The following EIF4G3 variants were observed in gnomAD, a reference collection of about 807,000 sequenced individuals.
EIF4G3 encodes eukaryotic translation initiation factor 4 gamma 3, also known as eIF-4-gamma 3.
Under a neutral mutation model 186.4 loss-of-function variants are expected in EIF4G3, and 34 were observed. The ratio of observed to expected loss-of-function variants is 0.18; its 90% CI spans 0.14 to 0.24. EIF4G3 has a LOEUF of 0.24. Ranked by LOEUF, EIF4G3 falls within the 10% of genes least tolerant of loss-of-function variation. The pLI is 1.00. For synonymous variants in EIF4G3, 673 were observed against 679.5 expected (o/e 0.99, Z 0.15); for missense variants, 1,536 against 1,948.5 (o/e 0.79, Z 3.99).
chr1:20,998,046 T>C (rs1467973216), intron 6 of EIF4G3, among the ~76,000 whole-genome samples: 1 of 152,090 alleles, frequency 6.6e-6, no homozygotes, highest in Non-Finnish European at 1.5e-5. Context: ...AGAAAGCTTT[T>C]ACATTACAAG....
chr1:20,829,411 T>TA, intron 30 of EIF4G3, 139 bp from the exon 31 acceptor site: 2 of 904,602 alleles, frequency 2.2e-6, no homozygotes, highest in Non-Finnish European at 3.4e-6. Context: ...AAGTGACTGG[T>TA]AAATACATTA....
chr1:21,087,885 G>A (rs969533923), intron 3 of EIF4G3, among the ~76,000 whole-genome samples: 1 of 151,724 alleles, frequency 6.6e-6, no homozygotes, highest in South Asian at 2.1e-4. Context: ...CACCTGCCTC[G>A]GCCTCCCAAA....
intron 2 of EIF4G3, among the ~76,000 whole-genome samples, chr1:21,166,323 A>G (rs986209934): frequency 6.6e-6 from 1 of 151,966 alleles, no homozygotes; most frequent in African/African-American, 2.4e-5. Context: ...CCAGTTACAC[A>G]AGAGGCTGAG....
chr1:20,901,579 T>C (rs547530958), intron 15 of EIF4G3, among the ~76,000 whole-genome samples: 1 of 152,238 alleles, frequency 6.6e-6, no homozygotes, highest in Non-Finnish European at 1.5e-5. Context: ...AGAGGCTGTA[T>C]TACTTAGAAA....
rs376939530 is a variant in EIF4G3, at chr1:20,858,719, G to A, written c.3245-1222C>T. Among the ~76,000 whole-genome samples, 85 of 152,280 alleles carry A rather than the reference G, an allele frequency of 5.6e-4. 3 individuals are homozygous for A. The South Asian group carries it at 0.016, about 29-fold the overall frequency. Reference sequence around the variant, plus strand: ...AATAAATACTTGCTGAATGAGGGCCGTGTGCGGTGGCTCACGCCTGTAATC... The same window carrying A: ...AATAAATACTTGCTGAATGAGGGCCATGTGCGGTGGCTCACGCCTGTAATC... On this transcript the variant is annotated intron_variant, in intron 24 of 36. Coordinates refer to ENST00000602326, the MANE Select transcript of EIF4G3 (RefSeq NM_001391906.1).
intron 2 of EIF4G3, among the ~76,000 whole-genome samples, chr1:21,150,423 G>A (rs2097531456): frequency 6.6e-6 from 1 of 152,068 alleles, no homozygotes; most frequent in Admixed American, 6.6e-5. Flanking sequence ...AAATTTGAGG[G>A]AACCTAATTC....
intron 12 of EIF4G3, 53 bp downstream of exon 12, chr1:20,969,421 A>G (rs1015935888): frequency 5.4e-5 from 86 of 1,606,086 alleles, no homozygotes; most frequent in Non-Finnish European, 7.2e-5. Flanking sequence ...AGAAGAGTTC[A>G]GTAGAGGTTA....
intron 7 of EIF4G3, among the ~76,000 whole-genome samples, chr1:20,983,007 G>A (rs1022518579): frequency 3.3e-5 from 5 of 152,076 alleles, no homozygotes; most frequent in South Asian, 2.1e-4. Context: ...CAAAATATTC[G>A]TTGCTATCAG....
intron 10 of EIF4G3, among the ~76,000 whole-genome samples, chr1:20,976,001 GA>G (rs1298239157): frequency 6.7e-6 from 1 of 149,660 alleles, no homozygotes. Flanking sequence ...GCCCTTTACT[GA>G]AAAAAAAAGT....
chr1:20,923,809 C>CTATATATATATATATATA (rs10587649), intron 14 of EIF4G3, among the ~76,000 whole-genome samples: 7 of 143,914 alleles, frequency 4.9e-5, no homozygotes, highest in East Asian at 4.1e-4. Context: ...TTACCCATCC[C>CTATATATATATATATATA]TATATATATA....
intron 2 of EIF4G3, among the ~76,000 whole-genome samples, chr1:21,162,961 C>T (rs983323853): frequency 6.6e-6 from 1 of 152,154 alleles, no homozygotes; most frequent in Non-Finnish European, 1.5e-5. Flanking sequence ...AACCTCCCCT[C>T]AGCCTCTAGA....
At chr1:20,960,091 G>A (rs566742850) in intron 12 of EIF4G3, among the ~76,000 whole-genome samples, 2 of 152,174 alleles carry the variant, frequency 1.3e-5, no homozygotes, top group Non-Finnish European at 2.9e-5. Context: ...ATTTGAAAAC[G>A]TATGTTTATA....
intron 2 of EIF4G3, among the ~76,000 whole-genome samples, chr1:21,118,623 T>C (rs2096870599): frequency 6.6e-6 from 1 of 151,870 alleles, no homozygotes; most frequent in Non-Finnish European, 1.5e-5. Context: ...CCGTCTCTAC[T>C]AAAAATACAA....
chr1:20,908,824 T>C (rs1411771598), intron 14 of EIF4G3, among the ~76,000 whole-genome samples: 1 of 152,132 alleles, frequency 6.6e-6, no homozygotes, highest in Non-Finnish European at 1.5e-5. Context: ...ACATGTGTTT[T>C]TAAAAATAGT....
intron 19 of EIF4G3, among the ~76,000 whole-genome samples, chr1:20,881,459 A>T (rs1426743896): frequency 1.3e-5 from 2 of 152,208 alleles, no homozygotes; most frequent in Non-Finnish European, 2.9e-5. Flanking sequence ...AAGCACAATC[A>T]TGAAAGAAAA....
chr1:20,975,103 G>T (rs1210595693), intron 10 of EIF4G3, among the ~76,000 whole-genome samples: 1 of 152,032 alleles, frequency 6.6e-6, no homozygotes, highest in Non-Finnish European at 1.5e-5. Flanking sequence ...AAAGATCTAA[G>T]CAGAGGGCAT....
At chr1:20,946,900 G>A (rs1035889275) in intron 13 of EIF4G3, among the ~76,000 whole-genome samples, 31 of 152,110 alleles carry the variant, frequency 2.0e-4, no homozygotes, top group Non-Finnish European at 2.8e-4. Flanking sequence ...GTGTAACTGA[G>A]TACAAACTCT....
At chr1:20,853,762 C>T in intron 26 of EIF4G3, 85 bp from the exon 27 acceptor site, 2 of 950,680 alleles carry the variant, frequency 2.1e-6, no homozygotes, top group Non-Finnish European at 3.3e-6. Flanking sequence ...TAGGTGAGGC[C>T]TGAGACCAGG....
intron 2 of EIF4G3, among the ~76,000 whole-genome samples, chr1:21,093,452 C>A (rs1396737903): frequency 6.6e-6 from 1 of 152,034 alleles, no homozygotes; most frequent in African/African-American, 2.4e-5. Context: ...CAGGAAATAA[C>A]AGGTGCTGGA....
Sources: allele counts gnomAD v4.1 joint callset (sites outside exome capture counted in the v4.1 genomes callset), GRCh38; gene constraint gnomAD v4.1.1; transcripts MANE v1.5; gene names NCBI Gene and HGNC (gene_info 2026-07-23, HGNC 2026-07-21).